Variants in BRWD3 observed in about 807,000 individuals in gnomAD.
The protein encoded by BRWD3 is bromodomain and WD repeat domain containing 3.
BRWD3 carries 10 observed loss-of-function variants against 149.7 expected under a neutral mutation model. The observed-to-expected ratio is 0.07, with a 90% CI of 0.04 to 0.11. The LOEUF (loss-of-function observed/expected upper bound fraction) is 0.11. Among genes scored for constraint, BRWD3 ranks in the 10% least tolerant of loss-of-function variants. BRWD3 has a pLI of 1.00. For missense variants in BRWD3, 940 were observed against 1,373.2 expected, an observed-to-expected ratio of 0.68 and a Z score of 4.99; for synonymous variants, 504 against 456.7, an observed-to-expected ratio of 1.10 and a Z score of -1.32.
chrX:80,765,614 T>G (rs1385974814), intron 6 of BRWD3, among the ~76,000 whole-genome samples: 1 of 112,114 alleles, frequency 8.9e-6, no homozygotes, highest in Non-Finnish European at 1.9e-5. Context: ...TATTTTGTAA[T>G]GAGGTGTCTG....
chrX:80,691,183 T>G lies in BRWD3; in HGVS notation c.3482-10A>C. 1 of 1,204,000 alleles carries G rather than the reference T, an allele frequency of 8.3e-7. No homozygotes were observed. Among genetic ancestry groups the G allele is most frequent in the Non-Finnish European group, 1.1e-6 (1 of 889,521 alleles). On this transcript the variant is annotated splice_polypyrimidine_tract_variant and intron_variant, in intron 30 of 40. Coordinates refer to ENST00000373275, the MANE Select transcript of BRWD3 (RefSeq NM_153252.5). Reference sequence around the variant, plus strand: ...AAAGGGCTGGCAAAATCTACAAAATTATGAAAATCAAATAAGGTAGCTATA... The same window carrying G: ...AAAGGGCTGGCAAAATCTACAAAATGATGAAAATCAAATAAGGTAGCTATA...
At chrX:80,704,903 A>T in intron 22 of BRWD3, 57 bp from the exon 23 acceptor site, 1 of 1,060,174 alleles carries the variant, frequency 9.4e-7, no homozygotes, top group South Asian at 1.9e-5. Flanking sequence ...AGTTTTACTT[A>T]ATAATTGAAA....
At chrX:80,746,906 T>C in intron 6 of BRWD3, 1 of 681,830 alleles carries the variant, frequency 1.5e-6, no homozygotes, top group Non-Finnish European at 1.7e-6. Context: ...AAATGAATAA[T>C]GAATAGCAAA....
chrX:80,809,122 G>A, intron 2 of BRWD3, 80 bp from the exon 3 acceptor site: 1 of 1,152,446 alleles, frequency 8.7e-7, no homozygotes, highest in Non-Finnish European at 1.2e-6. Context: ...AAGCCCAGCC[G>A]CTGACCGTTT....
chrX:80,771,770 A>G (rs961541899), intron 6 of BRWD3, among the ~76,000 whole-genome samples: 9 of 112,031 alleles, frequency 8.0e-5, no homozygotes, highest in African/African-American at 2.9e-4. Context: ...CAAATTTACA[A>G]GAGAAAAACA....
Position 80,710,074 on chromosome X carries a change from A to G in BRWD3, c.2326-497T>C, listed in dbSNP as rs113696005. On this transcript the variant is annotated intron_variant, in intron 20 of 40. Coordinates refer to ENST00000373275, the MANE Select transcript of BRWD3 (RefSeq NM_153252.5). ...TATTGGTTGCATTGAAAAGGGCACC[A>G]TCGGAGCTTGCAGCTCATCAGAAAA... 6.6e-6 allele frequency: 6 copies of G among 908,970 alleles called. No homozygotes were observed. The African/African-American group carries it at 7.8e-5, about 12-fold the overall frequency. The allele number at this position is 908,970 out of a possible 1,213,427, so 74.9% of individuals were successfully genotyped here.
chrX:80,804,002 TAAC>T (rs911825911), intron 4 of BRWD3, among the ~76,000 whole-genome samples: 21 of 112,437 alleles, frequency 1.9e-4, no homozygotes, highest in African/African-American at 6.5e-4. Flanking sequence ...CAACTTCTTA[TAAC>T]AACATATAAT....
In BRWD3 at chrX:80,725,627, T is replaced by C. The variant is rs748946317; in HGVS notation, c.1387-560A>G. Among the ~76,000 whole-genome samples the C allele has an allele frequency of 2.7e-5, 3 of 112,332 alleles. 1 individual carries two copies. The highest frequency in any genetic ancestry group is 5.6e-4 in the East Asian group (2 of 3,583). On this transcript the variant is annotated intron_variant, in intron 14 of 40. Transcript: ENST00000373275. ...GTTTGAAAACCAATGCTTTATGTTA[T>C]ATGTCTATATAACATATAACATGTT...
chrX:80,675,859 C>CT lies in BRWD3; in HGVS notation c.*749dup, dbSNP rs1327192916. Reference sequence around the variant, plus strand: ...TGTCTAGATTGATACCTCAAGTATTCTTTTTTAATAAAGTTAATGCACACA... The same window carrying CT: ...TGTCTAGATTGATACCTCAAGTATTCTTTTTTTAATAAAGTTAATGCACACA... On this transcript the variant is annotated 3_prime_UTR_variant, in exon 41 of 41. Coordinates refer to ENST00000373275, the MANE Select transcript of BRWD3 (RefSeq NM_153252.5). 2 of 111,561 alleles carry CT rather than the reference C, an allele frequency of 1.8e-5. No individual in the cohort carries two copies. Among genetic ancestry groups the CT allele is most frequent in the Non-Finnish European group, 3.8e-5 (2 of 53,020 alleles). The allele number at this position is 111,561 out of a possible 1,213,427, so 9.2% of individuals were successfully genotyped here. A position where few individuals can be genotyped will look rare whatever the true frequency, so the allele number is the denominator to read the frequency against.
At chrX:80,805,658 G>A (rs1439245620) in intron 4 of BRWD3, among the ~76,000 whole-genome samples, 3 of 111,982 alleles carry the variant, frequency 2.7e-5, no homozygotes, top group South Asian at 7.3e-4. Context: ...ACCCCAGGCC[G>A]GGCGCGGTGG....
chrX:80,741,224 G>A (rs1270752935), intron 8 of BRWD3, among the ~76,000 whole-genome samples: 1 of 111,615 alleles, frequency 9.0e-6, no homozygotes, highest in Non-Finnish European at 1.9e-5. Flanking sequence ...CCATGTCCCT[G>A]CAAAGGACAT....
chrX:80,708,371 G>A (rs2072900122), intron 21 of BRWD3, among the ~76,000 whole-genome samples: 1 of 107,431 alleles, frequency 9.3e-6, no homozygotes, highest in South Asian at 4.2e-4. Context: ...ACTCCAGCCT[G>A]GACAACAGAA....
chrX:80,707,539 A>G (rs1041124477), intron 21 of BRWD3, 36 bp from the exon 22 acceptor site: 2 of 1,135,145 alleles, frequency 1.8e-6, no homozygotes, highest in African/African-American at 3.6e-5. Flanking sequence ...ATATATGGAT[A>G]TTACCAGCTA....
At chrX:80,744,405 G>T in intron 7 of BRWD3, 152 bp from the exon 8 acceptor site, 1 of 462,609 alleles carries the variant, frequency 2.2e-6, no homozygotes. Context: ...CCAGTAGCAA[G>T]TATAAATGAT....
At chrX:80,693,147 T>C in intron 27 of BRWD3, 96 bp from the exon 28 acceptor site, 1 of 618,072 alleles carries the variant, frequency 1.6e-6, no homozygotes, top group East Asian at 3.3e-5. Flanking sequence ...AGAAGTACTG[T>C]ATCTAGCATT....
At chrX:80,736,663 T>C (rs1231064548) in intron 8 of BRWD3, among the ~76,000 whole-genome samples, 1 of 109,245 alleles carries the variant, frequency 9.2e-6, no homozygotes, top group Non-Finnish European at 1.9e-5. Context: ...TCGTTATTCG[T>C]ATCATATCAT....
Position 80,719,618 on chromosome X carries a change from T to A in BRWD3, c.1915A>T (p.Thr639Ser). 8.3e-7 allele frequency: 1 copy of A among 1,210,861 alleles called. No individual in the cohort carries two copies. Among genetic ancestry groups the A allele is most frequent in the Non-Finnish European group, 1.1e-6 (1 of 894,985 alleles). Residue 639 changes from threonine to serine, a missense_variant, in exon 18 of 41, where the codon ACC (threonine) becomes TCC (serine). Around this residue, in one of 6 missense-constraint regions of BRWD3, gnomAD observed 209 missense variants for 396.8 expected, o/e 0.53. Coordinates refer to ENST00000373275, the MANE Select transcript of BRWD3 (RefSeq NM_153252.5). ...AGAATGCTCTCATCTTGGTCATTGG[T>A]TTGCTGCCCAATTACCTGTTCTACT... ...EVVEQVIGQQ[T>S]NDQDESILDG...
chrX:80,766,967 C>A (rs1193977508), intron 6 of BRWD3, among the ~76,000 whole-genome samples: 2 of 112,387 alleles, frequency 1.8e-5, no homozygotes, highest in Admixed American at 1.9e-4. Context: ...ATAGCCCGCA[C>A]CTGTCTCTGC....
chrX:80,712,993 C>G (rs1202304429), intron 20 of BRWD3, among the ~76,000 whole-genome samples: 1 of 110,009 alleles, frequency 9.1e-6, no homozygotes, highest in African/African-American at 3.3e-5. Context: ...CTCCGCCCGG[C>G]AGCCACCCCG....
Sources: gnomAD v4.1 joint callset for allele counts (sites outside exome capture counted in the v4.1 genomes callset) on GRCh38, gnomAD v4.1.1 for gene constraint, gnomAD v4.1.1 regional missense constraint, MANE v1.5 for transcripts, NCBI Gene and HGNC (gene_info 2026-07-23, HGNC 2026-07-21) for gene names.